Variants in TENM1 observed in about 807,000 individuals in gnomAD.
The protein encoded by TENM1 is teneurin transmembrane protein 1.
In TENM1, 35 loss-of-function variants were observed where a neutral mutation model predicts 174.8. The ratio of observed to expected loss-of-function variants is 0.20; its 90% CI spans 0.15 to 0.27. TENM1 has a LOEUF of 0.27. Among genes scored for constraint, TENM1 ranks in the 10% least tolerant of loss-of-function variants. The probability of loss-of-function intolerance (pLI) is 1.00; values close to 1 mark genes in which losing one functional copy is unlikely to be tolerated. For missense variants in TENM1, 1,633 were observed against 2,130.1 expected, an observed-to-expected ratio of 0.77 and a Z score of 4.59; for synonymous variants, 781 against 798.7, an observed-to-expected ratio of 0.98 and a Z score of 0.37.
chrX:124,627,699 ACT>A (rs1443253659), intron 11 of TENM1, among the ~76,000 whole-genome samples: 1 of 111,026 alleles, frequency 9.0e-6, no homozygotes, highest in Non-Finnish European at 1.9e-5. Context: ...TAAATGATAA[ACT>A]CTAATCCTTA....
intron 3 of TENM1, among the ~76,000 whole-genome samples, chrX:124,789,289 C>A (rs2055120959): frequency 9.0e-6 from 1 of 110,606 alleles, no homozygotes; most frequent in African/African-American, 3.3e-5. Flanking sequence ...GACCTCCCAG[C>A]CTGTGATGGG....
At chrX:124,582,243 C>T (rs1364229005) in intron 11 of TENM1, among the ~76,000 whole-genome samples, 1 of 112,246 alleles carries the variant, frequency 8.9e-6, no homozygotes, top group Non-Finnish European at 1.9e-5. Flanking sequence ...CATAGTATTC[C>T]ATGGTGTGTA....
chrX:125,028,652 C>T, the TENM1 span, among the ~76,000 whole-genome samples: 4 of 111,420 alleles, frequency 3.6e-5, no homozygotes, highest in Non-Finnish European at 7.5e-5. Flanking sequence ...ATGTAACAAA[C>T]CTGCACATGC....
chrX:125,180,822 G>C, the TENM1 span, among the ~76,000 whole-genome samples: 5 of 111,575 alleles, frequency 4.5e-5, no homozygotes, highest in South Asian at 1.9e-3. Flanking sequence ...TTCCCTAAGA[G>C]ACCAGGGTAT....
At chrX:124,867,946 G>A (rs1203470923) in intron 3 of TENM1, among the ~76,000 whole-genome samples, 2 of 111,385 alleles carry the variant, frequency 1.8e-5, no homozygotes, top group African/African-American at 6.5e-5. Context: ...TCTCTATAAT[G>A]AAAAACTATA....
the TENM1 span, among the ~76,000 whole-genome samples, chrX:125,044,218 A>T: frequency 2.5e-4 from 24 of 97,475 alleles, no homozygotes; most frequent in East Asian, 4.4e-3. Flanking sequence ...AAAATAAAAA[A>T]AAAATAAAAA....
exon 25 of TENM1, chrX:124,420,643 T>C: frequency 8.3e-7 from 1 of 1,211,691 alleles, no homozygotes; most frequent in Non-Finnish European, 1.1e-6. Flanking sequence ...ACTGGTACAG[T>C]TCCTGATCAG....
the TENM1 span, among the ~76,000 whole-genome samples, chrX:125,036,339 G>T: frequency 9.0e-6 from 1 of 111,669 alleles, no homozygotes. Flanking sequence ...AAGCATCGTG[G>T]CTTTGCAACG....
chrX:124,431,017 A>T (rs187573259), intron 23 of TENM1, among the ~76,000 whole-genome samples: 47 of 111,738 alleles, frequency 4.2e-4, no homozygotes, highest in African/African-American at 1.5e-3. Flanking sequence ...GATAGACTAG[A>T]TTCCTCCCCT....
intron 3 of TENM1, among the ~76,000 whole-genome samples, chrX:124,846,131 G>A (rs1433663552): frequency 4.6e-5 from 5 of 109,482 alleles, no homozygotes; most frequent in Non-Finnish European, 9.5e-5. Flanking sequence ...ATGATACAAC[G>A]CAGGGAAAAA....
At chrX:124,376,637 A>C (rs190603773) in exon 32 of TENM1, 1 of 112,430 alleles carries the variant, frequency 8.9e-6, no homozygotes, top group East Asian at 2.8e-4. Context: ...TTGGTCCTTA[A>C]TAGCTTTCAC....
chrX:124,517,402 G>A (rs2148033618), intron 18 of TENM1, among the ~76,000 whole-genome samples: 1 of 109,687 alleles, frequency 9.1e-6, no homozygotes, highest in East Asian at 2.9e-4. Flanking sequence ...GCAAAGACTT[G>A]GAACCAACCC....
chrX:124,382,889 C>T, intron 30 of TENM1, 77 bp from the exon 34 acceptor site: 2 of 858,214 alleles, frequency 2.3e-6, no homozygotes, highest in Non-Finnish European at 3.1e-6. Context: ...TGAAAGATAC[C>T]TCTCCTGCCT....
chrX:124,442,537 T>C (rs1373915454), intron 23 of TENM1, among the ~76,000 whole-genome samples: 1 of 111,813 alleles, frequency 8.9e-6, no homozygotes, highest in East Asian at 2.8e-4. Context: ...ATCATCTGTA[T>C]CAGTATCACT....
chrX:125,056,757 A>G, the TENM1 span, among the ~76,000 whole-genome samples: 2 of 112,146 alleles, frequency 1.8e-5, no homozygotes, highest in African/African-American at 6.5e-5. Flanking sequence ...CACCCTTGTA[A>G]TACCAAAAAC....
At chrX:125,076,133 C>T in the TENM1 span, among the ~76,000 whole-genome samples, 2 of 111,397 alleles carry the variant, frequency 1.8e-5, no homozygotes, top group Non-Finnish European at 3.8e-5. Flanking sequence ...CAATGTTTAG[C>T]TTTTTCCTTT....
intron 1 of TENM1, among the ~76,000 whole-genome samples, chrX:124,954,740 C>T (rs1336584666): frequency 9.0e-6 from 1 of 111,554 alleles, no homozygotes; most frequent in Non-Finnish European, 1.9e-5. Context: ...TATGCAAGCT[C>T]AGTTAGCAGA....
chrX:125,157,291 T>G, the TENM1 span, among the ~76,000 whole-genome samples: 1 of 112,274 alleles, frequency 8.9e-6, no homozygotes, highest in East Asian at 2.8e-4. Context: ...GTTGTTTGCC[T>G]CCTGTAAGAA....
At chrX:124,547,011 T>G in exon 15 of TENM1, 2 of 1,211,466 alleles carry the variant, frequency 1.7e-6, no homozygotes, top group Non-Finnish European at 1.1e-6. Context: ...CAAGAGGATC[T>G]GGTGAGCCCT....
Sources: gnomAD v4.1 joint callset for allele counts (sites outside exome capture counted in the v4.1 genomes callset) on GRCh38, gnomAD v4.1.1 for gene constraint, MANE v1.5 for transcripts, NCBI Gene and HGNC (gene_info 2026-07-23, HGNC 2026-07-21) for gene names.